Variants in PRR11 observed in about 807,000 individuals in gnomAD.
PRR11 encodes the protein proline-rich protein 11.
In PRR11, 30 loss-of-function variants were observed where a neutral mutation model predicts 45.6. That is an observed-to-expected ratio of 0.66 (90% CI 0.49 to 0.89). The LOEUF (loss-of-function observed/expected upper bound fraction) is 0.89. Among genes scored for constraint, PRR11 ranks in the 40% least tolerant of loss-of-function variants. PRR11 has a pLI of 0.00. For synonymous variants in PRR11, 128 were observed against 153.5 expected, an observed-to-expected ratio of 0.83 and a Z score of 1.23; for missense variants, 373 against 424.8, an observed-to-expected ratio of 0.88 and a Z score of 1.07.
rs2046900098 is a variant in PRR11, at chr17:59,203,018, A to G, written c.*1387A>G. 1 of 152,172 alleles carries G rather than the reference A, an allele frequency of 6.6e-6. No homozygotes were observed. Among genetic ancestry groups the G allele is most frequent in the Non-Finnish European group, 1.5e-5 (1 of 68,040 alleles). The allele number at this position is 152,172 out of a possible 1,614,324, so 9.4% of individuals were successfully genotyped here. A position where few individuals can be genotyped will look rare whatever the true frequency, so the allele number is the denominator to read the frequency against. On this transcript the variant is annotated 3_prime_UTR_variant, in exon 10 of 10. Transcript: ENST00000262293. ...CACTATACTCCAGCATTGGCAACAG[A>G]GCAAGAACTCATCTCTAAAAAGTAA...
chr17:59,158,941 C>G (rs1266151075), intron 1 of PRR11, among the ~76,000 whole-genome samples: 1 of 152,226 alleles, frequency 6.6e-6, no homozygotes, highest in Non-Finnish European at 1.5e-5. Flanking sequence ...ATGCCTCAGC[C>G]TCCCGCGTAG....
intron 1 of PRR11, among the ~76,000 whole-genome samples, chr17:59,157,071 A>G (rs1456981505): frequency 6.6e-6 from 1 of 152,226 alleles, no homozygotes; most frequent in African/African-American, 2.4e-5. Context: ...CCATATGAAG[A>G]TGTGGTATGA....
intron 9 of PRR11, among the ~76,000 whole-genome samples, chr17:59,201,000 AC>A (rs2046890069): frequency 6.6e-6 from 1 of 151,684 alleles, no homozygotes; most frequent in African/African-American, 2.4e-5. Flanking sequence ...GTTTGGTTAC[AC>A]AAATTAGTTC....
intron 2 of PRR11, chr17:59,179,855 A>G (rs1204752710): frequency 1.0e-5 from 14 of 1,340,904 alleles, no homozygotes; most frequent in African/African-American, 2.9e-5. Flanking sequence ...GGACCCACAC[A>G]GGGGGCTGGG....
chr17:59,161,679 G>A (rs2046653575), intron 1 of PRR11, among the ~76,000 whole-genome samples: 1 of 152,122 alleles, frequency 6.6e-6, no homozygotes, highest in Non-Finnish European at 1.5e-5. Context: ...AGTCCAGGAG[G>A]TCAAAGCTGC....
intron 2 of PRR11, among the ~76,000 whole-genome samples, chr17:59,180,717 G>T (rs1458068404): frequency 2.0e-5 from 3 of 151,060 alleles, no homozygotes; most frequent in Non-Finnish European, 4.4e-5. Flanking sequence ...TATTGGTCAG[G>T]CTGGTCTCGA....
At chr17:59,164,386 C>CTTATT (rs888399384) in intron 1 of PRR11, among the ~76,000 whole-genome samples, 1 of 151,826 alleles carries the variant, frequency 6.6e-6, no homozygotes, top group Non-Finnish European at 1.5e-5. Context: ...AAAGTTTGGC[C>CTTATT]TAATATAGAA....
At chr17:59,169,911 T>TA (rs754191798) in intron 2 of PRR11, 31 bp downstream of exon 2, 2 of 1,576,980 alleles carry the variant, frequency 1.3e-6, no homozygotes, top group Non-Finnish European at 1.7e-6. Context: ...GAAAAAATAT[T>TA]AGAGAGATCT....
At chr17:59,188,097 T>C (rs2046822716) in intron 4 of PRR11, among the ~76,000 whole-genome samples, 1 of 152,216 alleles carries the variant, frequency 6.6e-6, no homozygotes, top group Non-Finnish European at 1.5e-5. Flanking sequence ...ACCTGAGGAA[T>C]GTAATCTATC....
At chr17:59,176,410 C>T (rs1186505950) in intron 2 of PRR11, among the ~76,000 whole-genome samples, 1 of 152,090 alleles carries the variant, frequency 6.6e-6, no homozygotes, top group Non-Finnish European at 1.5e-5. Context: ...GGGAGAGACT[C>T]CAGGAGGCCC....
intron 9 of PRR11, among the ~76,000 whole-genome samples, chr17:59,199,150 G>C (rs2046880122): frequency 6.6e-6 from 1 of 152,206 alleles, no homozygotes; most frequent in Non-Finnish European, 1.5e-5. Context: ...ACTTGATCTA[G>C]CCTGGATGAT....
chr17:59,169,977 G>A, intron 2 of PRR11, 97 bp downstream of exon 2: 1 of 1,419,338 alleles, frequency 7.0e-7, no homozygotes, highest in Non-Finnish European at 9.4e-7. Context: ...GGCAGGCCGG[G>A]TGCAGTCATT....
intron 6 of PRR11, 49 bp from the exon 7 acceptor site, chr17:59,195,282 A>G (rs1360979775): frequency 2.1e-6 from 3 of 1,402,186 alleles, no homozygotes; most frequent in Admixed American, 1.7e-5. Context: ...TTACATTTTG[A>G]GTGATATTTT....
chr17:59,158,401 A>C (rs959147208), intron 1 of PRR11, among the ~76,000 whole-genome samples: 1 of 152,264 alleles, frequency 6.6e-6, no homozygotes, highest in Non-Finnish European at 1.5e-5. Flanking sequence ...AGATCATTTC[A>C]TAACAAGGTT....
In PRR11 at chr17:59,197,551, G is replaced by A. The variant is rs1172172106; in HGVS notation, c.865G>A (p.Gly289Arg). 7 of 1,613,702 alleles carry A rather than the reference G, an allele frequency of 4.3e-6. No individual in the cohort carries two copies. Among genetic ancestry groups the A allele is most frequent in the African/African-American group, 1.3e-5 (1 of 74,900 alleles). The change falls in exon 8 of 10, where the codon GGA becomes AGA. Residue 289 changes from glycine to arginine, a missense_variant. Gly to Arg is a moderately radical substitution (Grantham distance 125). Coordinates refer to ENST00000262293, the MANE Select transcript of PRR11 (RefSeq NM_018304.4). ...TRVTNVLITP[G>R]KSQMDLRKLL... ...ATATCTTTGTTTTATCAGCACTCCTGGAAAAAGTCAGATGGATCTGCGGAA... is the reference window on the plus strand; with the variant it reads ...ATATCTTTGTTTTATCAGCACTCCTAGAAAAAGTCAGATGGATCTGCGGAA...
At chr17:59,193,142 C>A (rs577326763) in intron 4 of PRR11, among the ~76,000 whole-genome samples, 1 of 152,238 alleles carries the variant, frequency 6.6e-6, no homozygotes, top group Non-Finnish European at 1.5e-5. Context: ...AACTCCTGGG[C>A]TCAAGCAATT....
chr17:59,161,175 G>A (rs527828910), intron 1 of PRR11, among the ~76,000 whole-genome samples: 1 of 152,084 alleles, frequency 6.6e-6, no homozygotes, highest in Non-Finnish European at 1.5e-5. Context: ...GGGAGGCCGA[G>A]GGAGGCGGAT....
At chr17:59,182,215 A>G (rs2046791043) in intron 2 of PRR11, among the ~76,000 whole-genome samples, 1 of 151,550 alleles carries the variant, frequency 6.6e-6, no homozygotes, top group Non-Finnish European at 1.5e-5. Context: ...TTTAGTAGAG[A>G]TGGGGTTTCA....
At chr17:59,189,931 C>T (rs2046833244) in intron 4 of PRR11, among the ~76,000 whole-genome samples, 1 of 151,982 alleles carries the variant, frequency 6.6e-6, no homozygotes, top group Non-Finnish European at 1.5e-5. Flanking sequence ...GACACTCCAG[C>T]CCACTGCATT....
Sources: allele counts gnomAD v4.1 joint callset (sites outside exome capture counted in the v4.1 genomes callset), GRCh38; gene constraint gnomAD v4.1.1; transcripts MANE v1.5; gene names NCBI Gene and HGNC (gene_info 2026-07-23, HGNC 2026-07-21).